MAST4: variants seen among roughly 807,000 people sequenced by gnomAD.
MAST4 encodes microtubule-associated serine/threonine-protein kinase 4.
Under a neutral mutation model 162.7 loss-of-function variants are expected in MAST4, and 89 were observed. That is an observed-to-expected ratio of 0.55 (90% confidence interval 0.46 to 0.65). The LOEUF is 0.65. MAST4 is among the 30% of genes least tolerant of loss of function. The pLI, the probability that MAST4 is intolerant of heterozygous loss-of-function variation, is 0.00. For synonymous variants in MAST4, 1,479 were observed against 1,361.1 expected, an observed-to-expected ratio of 1.09 and a Z score of -1.91; for missense variants, 3,153 against 3,374.0, an observed-to-expected ratio of 0.93 and a Z score of 1.62.
intron 1 of MAST4, among the ~76,000 whole-genome samples, chr5:66,748,413 C>G (rs986462645): frequency 4.7e-5 from 7 of 148,012 alleles, no homozygotes; most frequent in Non-Finnish European, 1.0e-4. Context: ...TCTTTCCTTC[C>G]TCCCTTCCTT....
chr5:67,019,121 A>G (rs1753666830), intron 4 of MAST4, among the ~76,000 whole-genome samples: 2 of 152,204 alleles, frequency 1.3e-5, no homozygotes, highest in African/African-American at 4.8e-5. Context: ...CAACTTTGCA[A>G]TGGTAAGATT....
At chr5:66,755,883 T>C (rs140230783) in intron 1 of MAST4, among the ~76,000 whole-genome samples, 2 of 152,216 alleles carry the variant, frequency 1.3e-5, no homozygotes, top group Non-Finnish European at 2.9e-5. Context: ...CAAGCCACAA[T>C]GTCATCGTGG....
chr5:67,060,416 G>A (rs561891283), intron 5 of MAST4, among the ~76,000 whole-genome samples: 106 of 152,068 alleles, frequency 7.0e-4, no homozygotes, highest in Non-Finnish European at 1.0e-3. Context: ...AGACAGTCTG[G>A]GGTAGAACAG....
At chr5:66,639,278 T>TTGTGTGTGTGTGTGTG (rs70987132) in intron 1 of MAST4, among the ~76,000 whole-genome samples, 10,665 of 138,456 alleles carry the variant, frequency 0.077, 492 homozygotes, top group Admixed American at 0.098. Flanking sequence ...GAGAGGCAGC[T>TTGTGTGTGTGTGTGTG]TGTGTGTGTG....
chr5:66,641,902 T>C (rs914881456), intron 1 of MAST4, among the ~76,000 whole-genome samples: 11 of 152,098 alleles, frequency 7.2e-5, no homozygotes, highest in African/African-American at 2.7e-4. Context: ...TAGGAAAAAA[T>C]AACCAATCTG....
chr5:67,013,859 T>C (rs983951275), intron 4 of MAST4, among the ~76,000 whole-genome samples: 2 of 152,176 alleles, frequency 1.3e-5, no homozygotes, highest in South Asian at 2.1e-4. Flanking sequence ...CGAGGAAATA[T>C]GGTAAATGAA....
chr5:66,674,774 C>G (rs183009710), intron 1 of MAST4, among the ~76,000 whole-genome samples: 60 of 152,244 alleles, frequency 3.9e-4, no homozygotes, highest in Admixed American at 5.9e-4. Flanking sequence ...TGCTATGGAC[C>G]CTGGGCAGAA....
chr5:66,973,865 T>C (rs938072787), intron 4 of MAST4, among the ~76,000 whole-genome samples: 3 of 152,200 alleles, frequency 2.0e-5, no homozygotes, highest in African/African-American at 4.8e-5. Flanking sequence ...TAGTAATCTA[T>C]AACCAGCATT....
At chr5:66,902,374 G>A (rs1184809150) in intron 4 of MAST4, among the ~76,000 whole-genome samples, 4 of 152,058 alleles carry the variant, frequency 2.6e-5, no homozygotes, top group African/African-American at 7.2e-5. Context: ...TGAAACTTAC[G>A]GGGTTTTCCA....
intron 7 of MAST4, among the ~76,000 whole-genome samples, chr5:67,098,733 C>G (rs1428519060): frequency 1.3e-5 from 2 of 152,102 alleles, no homozygotes; most frequent in Non-Finnish European, 2.9e-5. Flanking sequence ...GGACCCTTCT[C>G]TGAAGTCAAT....
At position 66,975,500 on chromosome 5, in the gene MAST4, C is replaced by T. The variant is rs141555378; in HGVS notation, c.674+75518C>T. On this transcript the variant is annotated intron_variant, in intron 4 of 28. Coordinates refer to ENST00000403625, the MANE Select transcript of MAST4 (RefSeq NM_001164664.2). ...TGCGCCTTTCACTGTGGCCCCCTGC[C>T]TCCTCCTAGTGACTAGAACCAGTGC... 1.9e-4 allele frequency among the ~76,000 whole-genome samples: 29 copies of T among 152,262 alleles called. No individual in the cohort carries two copies. In the East Asian group the frequency reaches 5.2e-3, roughly 27 times the overall value.
chr5:66,819,277 TA>T (rs545115236), intron 3 of MAST4, among the ~76,000 whole-genome samples: 4 of 151,976 alleles, frequency 2.6e-5, no homozygotes, highest in Non-Finnish European at 4.4e-5. Flanking sequence ...CTTAGCTATT[TA>T]AAAAAAATAA....
At chr5:66,607,724 G>C (rs1742982033) in intron 1 of MAST4, among the ~76,000 whole-genome samples, 1 of 152,154 alleles carries the variant, frequency 6.6e-6, no homozygotes, top group Non-Finnish European at 1.5e-5. Flanking sequence ...TAGCATCTCT[G>C]ATCCTCATCT....
intron 20 of MAST4, 71 bp downstream of exon 20, chr5:67,142,308 C>T: frequency 2.6e-6 from 4 of 1,564,026 alleles, no homozygotes; most frequent in Non-Finnish European, 3.5e-6. Context: ...GCTTTTGAAC[C>T]TTTTCATATC....
chr5:67,085,241 T>G (rs995526941), intron 5 of MAST4, among the ~76,000 whole-genome samples: 1 of 152,186 alleles, frequency 6.6e-6, no homozygotes, highest in African/African-American at 2.4e-5. Flanking sequence ...AGTTCCATTT[T>G]TCAGCAAATC....
intron 4 of MAST4, among the ~76,000 whole-genome samples, chr5:66,930,375 G>A (rs916389252): frequency 6.6e-6 from 1 of 152,188 alleles, no homozygotes; most frequent in Admixed American, 6.5e-5. Flanking sequence ...GAAAACAGAA[G>A]TATGTGCTGA....
chr5:66,843,664 T>A (rs987463585), intron 3 of MAST4, among the ~76,000 whole-genome samples: 7 of 152,136 alleles, frequency 4.6e-5, no homozygotes, highest in African/African-American at 1.7e-4. Flanking sequence ...TGATGATGGT[T>A]TGAATTGAGT....
intron 4 of MAST4, among the ~76,000 whole-genome samples, chr5:66,983,040 AG>A (rs1313426529): frequency 1.3e-5 from 2 of 152,238 alleles, no homozygotes; most frequent in African/African-American, 2.4e-5. Context: ...TTATTTAGGA[AG>A]CTAAGTGGTG....
At chr5:66,605,353 C>G (rs1435520747) in intron 1 of MAST4, among the ~76,000 whole-genome samples, 1 of 152,094 alleles carries the variant, frequency 6.6e-6, no homozygotes, top group Non-Finnish European at 1.5e-5. Flanking sequence ...GAATATATAC[C>G]TGCAAAACCC....
Sources: gnomAD v4.1 joint callset for allele counts (sites outside exome capture counted in the v4.1 genomes callset) on GRCh38, gnomAD v4.1.1 for gene constraint, MANE v1.5 for transcripts, NCBI Gene and HGNC (gene_info 2026-07-23, HGNC 2026-07-21) for gene names.